DSTYK: variants seen among roughly 807,000 people sequenced by gnomAD.
The protein encoded by DSTYK is RIP-homologous kinase.
In DSTYK, 34 loss-of-function variants were observed where a neutral mutation model predicts 98.7. That is an observed-to-expected ratio of 0.34 (90% CI 0.26 to 0.46). The LOEUF is 0.46. Among genes scored for constraint, DSTYK ranks in the 20% least tolerant of loss-of-function variants. DSTYK has a pLI of 1.00. For missense variants in DSTYK, 962 were observed against 1,181.7 expected (o/e 0.81, Z 2.73); for synonymous variants, 462 against 457.3 (o/e 1.01, Z -0.13).
chr1:205,202,120 G>T (rs1659059452), intron 1 of DSTYK: 2 of 472,862 alleles, frequency 4.2e-6, no homozygotes, highest in South Asian at 1.6e-5. Context: ...GGGAGAAGGG[G>T]AAGGGAAGGG....
At chr1:205,204,980 A>ATGC (rs1659157843) in intron 1 of DSTYK, among the ~76,000 whole-genome samples, 1 of 152,220 alleles carries the variant, frequency 6.6e-6, no homozygotes, top group Admixed American at 6.5e-5. Context: ...TTTCATTCAA[A>ATGC]TGCTATGCTT....
In DSTYK at chr1:205,163,855, T is replaced by G; in HGVS notation, c.1425A>C (p.Ala475=). Residue 475 remains alanine (A), a synonymous_variant, in exon 4 of 13, where the codon GCA becomes GCC. Coordinates refer to ENST00000367162, the MANE Select transcript of DSTYK (RefSeq NM_015375.3). ...CTGAGCTGATCAGCTTATTAGCCAC[T>G]GCCTGATTAAGTCGGGAGATGATGA... ...QELIISRLNQ[A]VANKLISSVD... 6.2e-7 allele frequency: 1 copy of G among 1,614,216 alleles called. No homozygotes were observed. The highest frequency in any genetic ancestry group is 8.5e-7 in the Non-Finnish European group (1 of 1,180,036).
At position 205,169,796 on chromosome 1, in the gene DSTYK, G is replaced by A. The variant is rs1211244077; in HGVS notation, c.691C>T (p.Arg231Trp). Residue 231 changes from arginine to tryptophan, a missense_variant, in exon 3 of 13, where the codon CGG becomes TGG. Physicochemically the swap from Arg to Trp is moderately radical, Grantham distance 101. Transcript: ENST00000367162. The surrounding 1 kb of genome is among the most constrained non-coding windows in gnomAD (Gnocchi z 4.0). ...DVVVAPCQGL[R>W]PTVDVLGDLV... ...TCACCCAGAACATCCACTGTGGGCC[G>A]GAGGCCTTGGCATGGTGCTACCACA... The A allele has an allele frequency of 5.0e-6, 8 of 1,613,956 alleles. No individual in the cohort carries two copies. The highest frequency in any genetic ancestry group is 2.2e-5 in the East Asian group (1 of 44,884).
rs746974333 is a variant in DSTYK at position 205,211,500 on chromosome 1, G to A, written c.36C>T (p.Pro12=). 3.8e-6 allele frequency: 6 copies of A among 1,574,252 alleles called. No homozygotes were observed. The highest frequency in any genetic ancestry group is 1.1e-5 in the South Asian group (1 of 87,028). ...CGCCGCCGGGGCCGGGACCCGAGAC[G>A]GGCTCGCTGCCCCATGGCACCCCGT... The part of the protein sequence containing the change: ...EGDGVPWGSE[P]VSGPGPGGGG... Residue 12 remains proline, a synonymous_variant, in exon 1 of 13, where the codon CCC becomes CCT. Coordinates refer to ENST00000367162, the MANE Select transcript of DSTYK (RefSeq NM_015375.3).
intron 3 of DSTYK, among the ~76,000 whole-genome samples, chr1:205,165,419 T>C (rs1395076160): frequency 6.6e-6 from 1 of 152,118 alleles, no homozygotes; most frequent in Non-Finnish European, 1.5e-5. Flanking sequence ...AATTACTAGA[T>C]AAATAAAAAG....
intron 1 of DSTYK, among the ~76,000 whole-genome samples, chr1:205,189,152 CAAAA>C (rs61199006): frequency 2.7e-5 from 4 of 150,710 alleles, no homozygotes; most frequent in East Asian, 3.9e-4. Flanking sequence ...AAATCTAAAA[CAAAA>C]AAAAACAAAA....
At chr1:205,165,015 A>G (rs1433610632) in intron 3 of DSTYK, among the ~76,000 whole-genome samples, 2 of 152,172 alleles carry the variant, frequency 1.3e-5, no homozygotes, top group East Asian at 1.9e-4. Context: ...TCCAAATCCT[A>G]TGATCTTTGC....
chr1:205,192,490 C>T lies in DSTYK; in HGVS notation c.266-4684G>A, dbSNP rs142318921. Among the ~76,000 whole-genome samples, 463 of 152,136 alleles carry T rather than the reference C, an allele frequency of 3.0e-3. 7 individuals are homozygous for T. The highest frequency in any genetic ancestry group is 0.011 in the African/African-American group (451 of 41,500). On this transcript the variant is annotated intron_variant, in intron 1 of 12. Coordinates refer to ENST00000367162, the MANE Select transcript of DSTYK (RefSeq NM_015375.3). ...TCGAGGCTGCAGTGATCTGTGATCACGCTACTGTGAGACTCTCCTGGGTGA... is the reference window on the plus strand; with the variant it reads ...TCGAGGCTGCAGTGATCTGTGATCATGCTACTGTGAGACTCTCCTGGGTGA...
intron 11 of DSTYK, 127 bp from the exon 12 acceptor site, chr1:205,148,466 A>C: frequency 8.6e-7 from 1 of 1,159,062 alleles, no homozygotes; most frequent in South Asian, 1.5e-5. Flanking sequence ...CTCAATAACA[A>C]CCCTGCCAGG....
chr1:205,170,494 T>G (rs2102415570), intron 2 of DSTYK, among the ~76,000 whole-genome samples: 1 of 152,312 alleles, frequency 6.6e-6, no homozygotes, highest in East Asian at 1.9e-4. Context: ...CTATCGTAGC[T>G]CCAGTGCCTA....
At chr1:205,147,837 G>A (rs1657286549) in intron 12 of DSTYK, 92 bp from the exon 13 acceptor site, 1 of 1,308,722 alleles carries the variant, frequency 7.6e-7, no homozygotes, top group Non-Finnish European at 1.1e-6. Flanking sequence ...TTCCCAGTGG[G>A]GCTCAGAATA....
At position 205,208,068 on chromosome 1, in the gene DSTYK, C is replaced by T. The variant is rs77109912; in HGVS notation, c.265+3203G>A. 1.9e-3 allele frequency among the ~76,000 whole-genome samples: 289 copies of T among 151,960 alleles called. 7 individuals are homozygous for T. In the East Asian group the frequency reaches 0.052, roughly 27 times the overall value. Reference sequence around the variant, plus strand: ...AATTTTTTTGGATTTTTAATAGAGACGGGGTTTCTCCATGTTGGCCAGGCT... The same window carrying T: ...AATTTTTTTGGATTTTTAATAGAGATGGGGTTTCTCCATGTTGGCCAGGCT... On this transcript the variant is annotated intron_variant, in intron 1 of 12. Transcript: ENST00000367162.
At chr1:205,203,023 G>A (rs1659087463) in intron 1 of DSTYK, among the ~76,000 whole-genome samples, 2 of 152,004 alleles carry the variant, frequency 1.3e-5, no homozygotes, top group Admixed American at 6.6e-5. Context: ...AGTAGACAGA[G>A]CAAAACAAAA....
At chr1:205,190,195 G>C (rs2102455568) in intron 1 of DSTYK, among the ~76,000 whole-genome samples, 1 of 152,284 alleles carries the variant, frequency 6.6e-6, no homozygotes, top group African/African-American at 2.4e-5. Flanking sequence ...TTTTGTCTGA[G>C]AATCCATTTA....
chr1:205,203,542 AG>A (rs1659107894), intron 1 of DSTYK, among the ~76,000 whole-genome samples: 1 of 12,458 alleles, frequency 8.0e-5, no homozygotes, highest in African/African-American at 2.5e-4. Context: ...GGGGTACGGT[AG>A]GGAAGGGGAG....
chr1:205,152,836 G>A (rs1657444899), intron 10 of DSTYK, among the ~76,000 whole-genome samples: 1 of 152,118 alleles, frequency 6.6e-6, no homozygotes, highest in Non-Finnish European at 1.5e-5. Context: ...ATACTCAACC[G>A]GTACTGTCTT....
rs1469321397 is a variant in DSTYK at position 205,162,073 on chromosome 1, T to C, written c.1781A>G (p.Asn594Ser). 6.2e-7 allele frequency: 1 copy of C among 1,614,016 alleles called. No individual in the cohort carries two copies. Among genetic ancestry groups the C allele is most frequent in the African/African-American group, 1.3e-5 (1 of 74,932 alleles). The change falls in exon 6 of 13, where the codon AAT (asparagine) becomes AGT (serine). Residue 594 changes from asparagine (N) to serine (S), a missense_variant. Asn to Ser is a conservative substitution (Grantham distance 46). Around this residue, in one of 4 missense-constraint regions of DSTYK, gnomAD observed 660 missense variants for 855.0 expected, o/e 0.77. Coordinates refer to ENST00000367162, the MANE Select transcript of DSTYK (RefSeq NM_015375.3). ...SICSQFRTRLNSSHEAFAASL... is the reference protein window; with the variant it reads ...SICSQFRTRLSSSHEAFAASL... ...GGCTGCAAAAGCCTCGTGGGAACTA[T>C]TGAGCCGAGTCCGGAATTGGCTGCA...
At position 205,143,745 on chromosome 1, in the gene DSTYK, C is replaced by T. The variant is rs1657139488; in HGVS notation, c.*3813G>A. On this transcript the variant is annotated 3_prime_UTR_variant, in exon 13 of 13. Coordinates refer to ENST00000367162, the MANE Select transcript of DSTYK (RefSeq NM_015375.3). The stretch of plus-strand genomic sequence containing the variant: ...TCCATGAGGAAGAACACTTTGTGAC[C>T]CTTCTTTGGCAGCTCAAGCAAAGAC... 2 of 152,548 alleles carry T rather than the reference C, an allele frequency of 1.3e-5. No homozygotes were observed. The highest frequency in any genetic ancestry group is 4.1e-4 in the South Asian group (2 of 4,822). 9.4% of individuals were successfully genotyped at this position (152,548 alleles called of 1,614,324 possible). A position where few individuals can be genotyped will look rare whatever the true frequency, so the allele number is the denominator to read the frequency against.
At chr1:205,192,161 T>C (rs1247805739) in intron 1 of DSTYK, among the ~76,000 whole-genome samples, 4 of 152,236 alleles carry the variant, frequency 2.6e-5, no homozygotes, top group South Asian at 2.1e-4. Flanking sequence ...TTTCTATGTA[T>C]TGATCACTTT....
Sources: gnomAD v4.1 joint callset for allele counts (sites outside exome capture counted in the v4.1 genomes callset) on GRCh38, gnomAD v4.1.1 for gene constraint, gnomAD v4.1.1 regional missense constraint, Gnocchi (gnomAD v3.1) non-coding constraint, MANE v1.5 for transcripts, NCBI Gene and HGNC (gene_info 2026-07-23, HGNC 2026-07-21) for gene names.